Variants in GBA1 observed in about 807,000 individuals in gnomAD.
GBA1 encodes the protein lysosomal acid glucosylceramidase.
the GBA1 span, among the ~76,000 whole-genome samples, chr1:155,236,890 A>C: frequency 6.6e-6 from 1 of 151,676 alleles, no homozygotes; most frequent in Admixed American, 6.6e-5. Flanking sequence ...TTCGAGATGG[A>C]GTCTCGCTCA....
chr1:155,237,789 C>G, the GBA1 span: 1 of 1,023,756 alleles, frequency 9.8e-7, no homozygotes, highest in Non-Finnish European at 1.4e-6. Context: ...ATAATCCCAG[C>G]TACTTGGAAG....
chr1:155,244,401 AAATAAT>A, the GBA1 span: 1 of 152,156 alleles, frequency 6.6e-6, no homozygotes, highest in African/African-American at 2.4e-5. Flanking sequence ...CTCCCTCAAA[AAATAAT>A]AATAATAACA....
At chr1:155,235,667 C>G in the GBA1 span, 1 of 1,583,350 alleles carries the variant, frequency 6.3e-7, no homozygotes, top group Non-Finnish European at 8.6e-7. Flanking sequence ...TGGGGGTGCC[C>G]GCCCTCCACT....
chr1:155,239,639 A>C, the GBA1 span: 20 of 1,614,082 alleles, frequency 1.2e-5, no homozygotes, highest in Non-Finnish European at 1.7e-5. Context: ...GTACGATTTA[A>C]GTAGCAAATT....
the GBA1 span, among the ~76,000 whole-genome samples, chr1:155,236,968 G>T: frequency 6.6e-6 from 1 of 151,902 alleles, no homozygotes; most frequent in Non-Finnish European, 1.5e-5. Context: ...GGGTTCAACT[G>T]ATTCTCCCTT....
the GBA1 span, among the ~76,000 whole-genome samples, chr1:155,239,217 CAAAAAAA>C: frequency 1.4e-4 from 16 of 117,004 alleles, no homozygotes; most frequent in Middle Eastern, 0.011. Flanking sequence ...GACTCTGTCT[CAAAAAAA>C]AAAAAAGAAA....
chr1:155,243,932 AC>A, the GBA1 span, among the ~76,000 whole-genome samples: 1 of 150,890 alleles, frequency 6.6e-6, no homozygotes, highest in Non-Finnish European at 1.5e-5. Flanking sequence ...GCGAATCCCA[AC>A]CCCGACGCTC....
chr1:155,240,466 A>G, the GBA1 span, among the ~76,000 whole-genome samples: 28 of 152,148 alleles, frequency 1.8e-4, no homozygotes, highest in African/African-American at 6.5e-4. Context: ...TCTGTTTCAA[A>G]AGAAAAAAAA....
At chr1:155,240,028 A>G in the GBA1 span, 2 of 1,613,962 alleles carry the variant, frequency 1.2e-6, no homozygotes. Flanking sequence ...CATTGCAGAC[A>G]CACACCACCG....
chr1:155,236,693 TC>T, the GBA1 span, among the ~76,000 whole-genome samples: 1 of 151,886 alleles, frequency 6.6e-6, no homozygotes, highest in Non-Finnish European at 1.5e-5. Context: ...GGTCAACTGA[TC>T]CTCCCACATT....
At chr1:155,243,303 A>G in the GBA1 span, among the ~76,000 whole-genome samples, 2 of 152,180 alleles carry the variant, frequency 1.3e-5, no homozygotes, top group Non-Finnish European at 2.9e-5. Context: ...AGGGCAGGTA[A>G]TATCTAGTAC....
chr1:155,243,398 G>A, the GBA1 span, among the ~76,000 whole-genome samples: 4 of 152,138 alleles, frequency 2.6e-5, no homozygotes, highest in African/African-American at 2.4e-5. Context: ...GAGTTTAGAA[G>A]TCCAAACATC....
chr1:155,235,401 T>C, the GBA1 span: 1 of 1,510,386 alleles, frequency 6.6e-7, no homozygotes, highest in Non-Finnish European at 8.9e-7. Context: ...ACCCACCCCA[T>C]AACTCCTGCA....
the GBA1 span, among the ~76,000 whole-genome samples, chr1:155,237,758 T>C: frequency 0.39 from 58,792 of 151,712 alleles, 12,452 homozygotes; most frequent in East Asian, 0.7. Context: ...AAAAATCAGC[T>C]GGGCCTGGTG....
At chr1:155,234,970 A>C in the GBA1 span, 1 of 607,484 alleles carries the variant, frequency 1.6e-6, no homozygotes, top group South Asian at 1.8e-5. Context: ...GGCTGAGCCC[A>C]GTGCCTCCTT....
chr1:155,242,748 A>G, the GBA1 span, among the ~76,000 whole-genome samples: 1 of 150,802 alleles, frequency 6.6e-6, no homozygotes, highest in Non-Finnish European at 1.5e-5. Context: ...GCCCACCACC[A>G]TGCCCAGCTA....
chr1:155,236,652 A>G, the GBA1 span, among the ~76,000 whole-genome samples: 10 of 152,052 alleles, frequency 6.6e-5, no homozygotes, highest in African/African-American at 2.2e-4. Context: ...CAGTGGCGCA[A>G]TCACGACTCA....
chr1:155,243,406 A>G, the GBA1 span, among the ~76,000 whole-genome samples: 4 of 151,940 alleles, frequency 2.6e-5, no homozygotes, highest in Non-Finnish European at 5.9e-5. Flanking sequence ...AAGTCCAAAC[A>G]TCTCCTTCCA....
the GBA1 span, chr1:155,237,707 TC>T: frequency 2.4e-4 from 373 of 1,542,844 alleles, 5 homozygotes; most frequent in South Asian, 4.0e-3. Context: ...GTTCAGGAGT[TC>T]GAGAACAGCC....
Sources: allele counts gnomAD v4.1 joint callset (sites outside exome capture counted in the v4.1 genomes callset), GRCh38; gene constraint gnomAD v4.1.1; transcripts MANE v1.5; gene names NCBI Gene and HGNC (gene_info 2026-07-23, HGNC 2026-07-21).